ZNG1C: variants seen among roughly 807,000 people sequenced by gnomAD.
The protein encoded by ZNG1C is zinc-regulated GTPase metalloprotein activator 1C.
chr9:68,293,710 TAGAC>T, the ZNG1C span, among the ~76,000 whole-genome samples: 6 of 44,484 alleles, frequency 1.3e-4, no homozygotes, highest in Middle Eastern at 5.7e-3. Context: ...CCTAAAAAAT[TAGAC>T]AGACAGCAAC....
the ZNG1C span, among the ~76,000 whole-genome samples, chr9:68,256,099 T>C: frequency 1.3e-5 from 2 of 152,398 alleles, no homozygotes; most frequent in South Asian, 4.1e-4. Context: ...GGGGACCACA[T>C]CTTGTCAGAG....
chr9:68,257,509 C>T, the ZNG1C span, among the ~76,000 whole-genome samples: 3 of 53,428 alleles, frequency 5.6e-5, 1 homozygote, highest in Admixed American at 2.0e-4. Context: ...CACTCAACTT[C>T]CAATTTAGTG....
At chr9:68,296,506 T>C in the ZNG1C span, among the ~76,000 whole-genome samples, 2 of 152,394 alleles carry the variant, frequency 1.3e-5, no homozygotes, top group African/African-American at 4.8e-5. Context: ...TTTAATACTT[T>C]AGCGATTCTC....
chr9:68,249,069 A>G, the ZNG1C span: 10 of 561,918 alleles, frequency 1.8e-5, no homozygotes, highest in African/African-American at 1.3e-4. Flanking sequence ...TGGCAGTTGA[A>G]TGAATGATCA....
At chr9:68,288,396 T>C in the ZNG1C span, among the ~76,000 whole-genome samples, 1 of 152,286 alleles carries the variant, frequency 6.6e-6, no homozygotes, top group Non-Finnish European at 1.5e-5. Flanking sequence ...GGTTTATTTA[T>C]TTGCATAAAG....
the ZNG1C span, among the ~76,000 whole-genome samples, chr9:68,296,991 TCTC>T: frequency 6.6e-6 from 1 of 152,056 alleles, no homozygotes; most frequent in Non-Finnish European, 1.5e-5. Context: ...TAAGAACTCT[TCTC>T]CTCTTGGCAC....
chr9:68,267,992 A>AC, the ZNG1C span, among the ~76,000 whole-genome samples: 1 of 38,458 alleles, frequency 2.6e-5, no homozygotes, highest in Admixed American at 3.1e-4. Context: ...TTTGGCTTTT[A>AC]CCCTCCGTTT....
chr9:68,281,285 A>T, the ZNG1C span, among the ~76,000 whole-genome samples: 1 of 152,280 alleles, frequency 6.6e-6, no homozygotes, highest in Non-Finnish European at 1.5e-5. Flanking sequence ...AAATGGAGAA[A>T]TCGCCTGTCT....
the ZNG1C span, among the ~76,000 whole-genome samples, chr9:68,284,194 GATTCTCCTACTTGGCCT>G: frequency 4.0e-5 from 6 of 150,156 alleles, no homozygotes; most frequent in Non-Finnish European, 7.4e-5. Context: ...GGCCTCAAGT[GATTCTCCTACTTGGCCT>G]CTCAAAGTGC....
the ZNG1C span, among the ~76,000 whole-genome samples, chr9:68,288,447 GTTTTGT>G: frequency 1.3e-5 from 2 of 152,238 alleles, no homozygotes; most frequent in African/African-American, 4.8e-5. Context: ...CAATGTTTGG[GTTTTGT>G]TTTTGTTTTT....
chr9:68,259,763 G>A, the ZNG1C span, among the ~76,000 whole-genome samples: 349 of 152,098 alleles, frequency 2.3e-3, 1 homozygote, highest in South Asian at 0.04. Flanking sequence ...CACTTGCCTC[G>A]GCCTCCCAAA....
chr9:68,276,390 C>T, the ZNG1C span, among the ~76,000 whole-genome samples: 1 of 116,280 alleles, frequency 8.6e-6, no homozygotes, highest in Admixed American at 9.4e-5. Context: ...ATGCCTATGT[C>T]CTGAATGGTA....
the ZNG1C span, among the ~76,000 whole-genome samples, chr9:68,288,413 A>G: frequency 1.3e-5 from 2 of 152,282 alleles, no homozygotes; most frequent in African/African-American, 4.8e-5. Context: ...AAAGCATGCA[A>G]ATGTGTAATT....
chr9:68,296,516 C>A, the ZNG1C span, among the ~76,000 whole-genome samples: 1 of 152,274 alleles, frequency 6.6e-6, no homozygotes, highest in African/African-American at 2.4e-5. Context: ...TAGCGATTCT[C>A]TTGAGTTTGG....
chr9:68,281,261 G>C, the ZNG1C span, among the ~76,000 whole-genome samples: 3 of 152,272 alleles, frequency 2.0e-5, no homozygotes, highest in Non-Finnish European at 4.4e-5. Context: ...AGATGAACCC[G>C]GTACCTCAGA....
At chr9:68,278,247 C>CA in the ZNG1C span, among the ~76,000 whole-genome samples, 1 of 147,690 alleles carries the variant, frequency 6.8e-6, no homozygotes, top group Admixed American at 6.8e-5. Flanking sequence ...TTGATCCTTT[C>CA]AAAAAACCAG....
At chr9:68,300,005 G>A in the ZNG1C span, 1 of 155,514 alleles carries the variant, frequency 6.4e-6, no homozygotes, top group Non-Finnish European at 1.4e-5. Flanking sequence ...AAAAGGTTAT[G>A]ACTGTTATTG....
At chr9:68,244,021 T>A in the ZNG1C span, among the ~76,000 whole-genome samples, 1 of 116,404 alleles carries the variant, frequency 8.6e-6, no homozygotes, top group Admixed American at 9.0e-5. Flanking sequence ...TTCCCCTCCA[T>A]TCCCCCCTTC....
At chr9:68,284,591 TACTG>T in the ZNG1C span, among the ~76,000 whole-genome samples, 2 of 110,154 alleles carry the variant, frequency 1.8e-5, no homozygotes, top group African/African-American at 7.2e-5. Flanking sequence ...AATTCCATCT[TACTG>T]ACAATACCTA....
Sources: gnomAD v4.1 joint callset for allele counts (sites outside exome capture counted in the v4.1 genomes callset) on GRCh38, gnomAD v4.1.1 for gene constraint, MANE v1.5 for transcripts, NCBI Gene and HGNC (gene_info 2026-07-23, HGNC 2026-07-21) for gene names.